The following TMEM156 variants were observed in gnomAD, a reference collection of about 807,000 sequenced individuals.
The protein encoded by TMEM156 is transmembrane protein 156.
TMEM156 carries 28 observed loss-of-function variants against 30.5 expected under a neutral mutation model. The observed-to-expected ratio is 0.92, with a 90% CI of 0.68 to 1.26. The LOEUF (loss-of-function observed/expected upper bound fraction) is 1.26. TMEM156 is among the 50% of genes most tolerant of loss of function. TMEM156 has a pLI of 0.00. For missense variants in TMEM156, 351 were observed against 340.6 expected (o/e 1.03, Z -0.24); for synonymous variants, 137 against 119.9 (o/e 1.14, Z -0.93).
chr4:38,989,260 G>A (rs1374233060), intron 3 of TMEM156, among the ~76,000 whole-genome samples: 1 of 152,094 alleles, frequency 6.6e-6, no homozygotes, highest in African/African-American at 2.4e-5. Context: ...CACTATCCTC[G>A]CTGTAACTAA....
chr4:38,987,208 A>T (rs1253567512), intron 4 of TMEM156, among the ~76,000 whole-genome samples: 1 of 152,228 alleles, frequency 6.6e-6, no homozygotes, highest in African/African-American at 2.4e-5. Flanking sequence ...TACTTTAAAT[A>T]ATAGAATTTT....
Position 39,017,471 on chromosome 4 carries a change from AC to A in TMEM156, c.88+14754del, listed in dbSNP as rs1714578805. On this transcript the variant is annotated intron_variant, in intron 1 of 6. Transcript: ENST00000381938. ...TGGGATTACAGGTGTGAGCCACCGCACCCAGCCCAAGTATGTATTTTTATTC... is the reference window on the plus strand; with the variant it reads ...TGGGATTACAGGTGTGAGCCACCGCACCAGCCCAAGTATGTATTTTTATTC... 2.6e-5 allele frequency among the ~76,000 whole-genome samples: 4 copies of A among 151,838 alleles called. No individual in the cohort carries two copies. In the South Asian group the frequency reaches 8.3e-4, roughly 32 times the overall value.
At chr4:39,017,171 CTTTTTT>C (rs1159565890) in intron 1 of TMEM156, among the ~76,000 whole-genome samples, 1,142 of 91,300 alleles carry the variant, frequency 0.013, 24 homozygotes, top group African/African-American at 0.048. Context: ...TGTATTTCTT[CTTTTTT>C]TTTTTTTTTT....
intron 5 of TMEM156, among the ~76,000 whole-genome samples, chr4:38,972,081 G>A (rs1224415999): frequency 6.6e-6 from 1 of 150,742 alleles, no homozygotes; most frequent in East Asian, 2.0e-4. Flanking sequence ...GAGTGACCGC[G>A]CCCAGCCGAG....
chr4:38,971,206 T>A, intron 5 of TMEM156, 69 bp from the exon 6 acceptor site: 1 of 1,449,380 alleles, frequency 6.9e-7, no homozygotes, highest in Non-Finnish European at 9.7e-7. Flanking sequence ...CTTATTCTAA[T>A]GTAGTAAGAG....
At chr4:39,019,815 C>T (rs1359733292) in intron 1 of TMEM156, among the ~76,000 whole-genome samples, 1 of 152,106 alleles carries the variant, frequency 6.6e-6, no homozygotes, top group Admixed American at 6.5e-5. Flanking sequence ...GTGGCGAGAA[C>T]ATTTACTCTC....
At chr4:38,990,451 G>A (rs868409096) in intron 3 of TMEM156, among the ~76,000 whole-genome samples, 20 of 152,168 alleles carry the variant, frequency 1.3e-4, no homozygotes, top group Admixed American at 2.6e-4. Context: ...TGCCAGCAAC[G>A]ATCAGGATGG....
rs1209455829 is a variant in TMEM156, at chr4:38,993,720, G to A, written c.619+18C>T. On this transcript the variant is annotated intron_variant, in intron 3 of 6. Transcript: ENST00000381938. ...TATCGGATAACTCCTTTTCCCTTTA[G>A]TTTCCTTAAAAACTTACTTTTTATA... 3 of 1,603,822 alleles carry A rather than the reference G, an allele frequency of 1.9e-6. No individual in the cohort carries two copies. Among genetic ancestry groups the A allele is most frequent in the African/African-American group, 1.3e-5 (1 of 74,500 alleles).
At chr4:38,978,343 A>G (rs1269495163) in intron 5 of TMEM156, among the ~76,000 whole-genome samples, 2 of 152,222 alleles carry the variant, frequency 1.3e-5, no homozygotes, top group African/African-American at 2.4e-5. Context: ...CCACGTCCCA[A>G]ATAGAGAACT....
chr4:38,990,830 G>GTTTA (rs1553878600), intron 3 of TMEM156, among the ~76,000 whole-genome samples: 1 of 81,230 alleles, frequency 1.2e-5, no homozygotes, highest in Admixed American at 1.5e-4. Context: ...TTGTTTTCTG[G>GTTTA]TTTTTTTTTT....
In TMEM156 at chr4:39,032,132, A is replaced by C. The variant is rs1046613350; in HGVS notation, c.88+94T>G. 8.0e-6 allele frequency: 6 copies of C among 746,828 alleles called. No individual in the cohort carries two copies. In the African/African-American group the frequency reaches 1.1e-4, roughly 13 times the overall value. The allele number at this position is 746,828 out of a possible 1,614,324, so 46.3% of individuals were successfully genotyped here. ...GATCTAGAACTTCAGCCTATGCAGC[A>C]TGTGTCCAAAAAGAGGATCTTTTCT... On this transcript the variant is annotated intron_variant, in intron 1 of 6. Coordinates refer to ENST00000381938, the MANE Select transcript of TMEM156 (RefSeq NM_024943.3).
chr4:39,007,283 A>G (rs376619774), intron 1 of TMEM156, among the ~76,000 whole-genome samples: 178 of 152,202 alleles, frequency 1.2e-3, no homozygotes, highest in African/African-American at 3.9e-3. Context: ...TCCTTCGCTC[A>G]TTTCAATAAA....
chr4:38,968,927 C>G, intron 6 of TMEM156, among the ~76,000 whole-genome samples: 1 of 152,156 alleles, frequency 6.6e-6, no homozygotes, highest in Non-Finnish European at 1.5e-5. Flanking sequence ...TGCCCTCTGG[C>G]TCTGGCTGGG....
At chr4:38,990,828 T>TG (rs1470291578) in intron 3 of TMEM156, among the ~76,000 whole-genome samples, 3 of 119,256 alleles carry the variant, frequency 2.5e-5, no homozygotes, top group African/African-American at 9.6e-5. Flanking sequence ...GTTTGTTTTC[T>TG]GGTTTTTTTT....
At chr4:39,004,314 TA>T (rs535975354) in intron 1 of TMEM156, among the ~76,000 whole-genome samples, 184 of 152,282 alleles carry the variant, frequency 1.2e-3, no homozygotes, top group African/African-American at 4.2e-3. Context: ...TCAAGTCAAA[TA>T]TTTTCTCTTT....
At chr4:38,999,859 T>C (rs1479347164) in intron 1 of TMEM156, among the ~76,000 whole-genome samples, 2 of 152,210 alleles carry the variant, frequency 1.3e-5, no homozygotes, top group African/African-American at 4.8e-5. Context: ...AGAATAATCT[T>C]CACATCTCAA....
At chr4:38,991,513 C>A (rs1712462425) in intron 3 of TMEM156, among the ~76,000 whole-genome samples, 1 of 152,184 alleles carries the variant, frequency 6.6e-6, no homozygotes, top group Admixed American at 6.5e-5. Context: ...GAGCCTCCAC[C>A]GTGCCCAGCC....
At chr4:38,992,758 A>AT (rs1357798561) in intron 3 of TMEM156, among the ~76,000 whole-genome samples, 14 of 65,904 alleles carry the variant, frequency 2.1e-4, no homozygotes, top group Non-Finnish European at 3.6e-4. Context: ...TTATATATAT[A>AT]TATATTTTTT....
At chr4:39,015,556 ACTGAT>A (rs1714421073) in intron 1 of TMEM156, among the ~76,000 whole-genome samples, 1 of 152,246 alleles carries the variant, frequency 6.6e-6, no homozygotes, top group Admixed American at 6.5e-5. Context: ...ACACAGTCTT[ACTGAT>A]ACCTTGATTT....
Sources: allele counts gnomAD v4.1 joint callset (sites outside exome capture counted in the v4.1 genomes callset), GRCh38; gene constraint gnomAD v4.1.1; transcripts MANE v1.5; gene names NCBI Gene and HGNC (gene_info 2026-07-23, HGNC 2026-07-21).